Variants in RACK1 observed in about 807,000 individuals in gnomAD.
The protein encoded by RACK1 is small ribosomal subunit protein RACK1.
In RACK1, 3 loss-of-function variants were observed where a neutral mutation model predicts 42.2. The ratio of observed to expected loss-of-function variants is 0.07; its 90% CI spans 0.03 to 0.18. RACK1 has a LOEUF of 0.18. Among genes scored for constraint, RACK1 ranks in the 10% least tolerant of loss-of-function variants. The pLI, the probability that RACK1 is intolerant of heterozygous loss-of-function variation, is 1.00. For synonymous variants in RACK1, 181 were observed against 154.8 expected, an observed-to-expected ratio of 1.17 and a Z score of -1.25; for missense variants, 146 against 403.2, an observed-to-expected ratio of 0.36 and a Z score of 5.46.
chr5:181,237,516 T>C, intron 7 of RACK1, 93 bp downstream of exon 7: 1 of 777,934 alleles, frequency 1.3e-6, no homozygotes. Flanking sequence ...CCAAGGACAC[T>C]GCTCTTGTGT....
In RACK1 at chr5:181,241,516, C is replaced by T. The variant is rs374020184; in HGVS notation, c.405G>A (p.Leu135=). The stretch of plus-strand genomic sequence containing the variant: ...CCTGGACAGTGTATTTGCACACACC[C>T]AGGGTATTCCATAGCTTGATGGTTT... The part of the protein sequence containing the change: ...RDKTIKLWNT[L]GVCKYTVQDE... Residue 135 remains leucine, a synonymous_variant, in exon 3 of 8, where the codon CTG becomes CTA. Coordinates refer to ENST00000512805, the MANE Select transcript of RACK1 (RefSeq NM_006098.5). 6.2e-7 allele frequency: 1 copy of T among 1,613,478 alleles called. No individual in the cohort carries two copies. The highest frequency in any genetic ancestry group is 1.3e-5 in the African/African-American group (1 of 74,672).
chr5:181,243,575 A>C, intron 1 of RACK1, 117 bp downstream of exon 1: 2 of 1,421,218 alleles, frequency 1.4e-6, no homozygotes, highest in South Asian at 2.7e-5. Flanking sequence ...GAAGTCTGTC[A>C]GTCCCCGCCA....
chr5:181,242,077 T>C, intron 2 of RACK1, 97 bp downstream of exon 2: 1 of 1,096,158 alleles, frequency 9.1e-7, no homozygotes, highest in Non-Finnish European at 1.4e-6. Flanking sequence ...AGTTCCCAAA[T>C]GGACTGGATC....
chr5:181,242,583 A>T, intron 1 of RACK1: 1 of 572,020 alleles, frequency 1.7e-6, no homozygotes, highest in Non-Finnish European at 3.3e-6. Context: ...CTTGAGATGG[A>T]GTCTCGCTCT....
chr5:181,241,660 A>T, intron 2 of RACK1, 21 bp from the exon 3 acceptor site: 8 of 1,613,230 alleles, frequency 5.0e-6, no homozygotes, highest in Non-Finnish European at 6.8e-6. Flanking sequence ...GGAGTTTGTC[A>T]TTCTCAGACT....
At chr5:181,238,766 T>C (rs1401740188) in intron 5 of RACK1, 1 of 389,916 alleles carries the variant, frequency 2.6e-6, no homozygotes, top group Non-Finnish European at 4.9e-6. Context: ...GCCACTGCAC[T>C]CCAGCCTTGG....
rs1427888897 is a variant in RACK1 at position 181,241,548 on chromosome 5, G to C, written c.373C>G (p.Arg125Gly). The C allele has an allele frequency of 6.2e-7, 1 of 1,613,578 alleles. No individual in the cohort carries two copies. The highest frequency in any genetic ancestry group is 8.5e-7 in the Non-Finnish European group (1 of 1,179,838). Residue 125 changes from arginine (R) to glycine (G), a missense_variant, in exon 3 of 8, where the codon CGA (arginine) becomes GGA (glycine). Coordinates refer to ENST00000512805, the MANE Select transcript of RACK1 (RefSeq NM_006098.5). ...TTCCATAGCTTGATGGTTTTATCTC[G>C]AGATCCAGAGACAATCTGCCGGTTG... Reference protein sequence around the residue: ...SDNRQIVSGSRDKTIKLWNTL... With the variant: ...SDNRQIVSGSGDKTIKLWNTL...
chr5:181,243,560 G>T, intron 1 of RACK1, 132 bp downstream of exon 1: 1 of 1,406,748 alleles, frequency 7.1e-7, no homozygotes, highest in Non-Finnish European at 9.6e-7. Context: ...TCACAATGGG[G>T]CAGAGAAGTC....
At chr5:181,242,935 T>G (rs1026004293) in intron 1 of RACK1, 1 of 331,344 alleles carries the variant, frequency 3.0e-6, no homozygotes, top group Non-Finnish European at 5.9e-6. Context: ...CAACAGCCAC[T>G]TTGTGTCTTC....
chr5:181,239,679 A>T, intron 3 of RACK1, 97 bp from the exon 4 acceptor site: 1 of 736,984 alleles, frequency 1.4e-6, no homozygotes, highest in Non-Finnish European at 2.3e-6. Flanking sequence ...GGCTGGCAGC[A>T]CCTTTCAAAA....
At position 181,239,050 on chromosome 5, in the gene RACK1, GCCTTGTCC is replaced by G. The variant is rs1561679627; in HGVS notation, c.636+9_636+16del. The G allele has an allele frequency of 6.6e-6, 10 of 1,513,312 alleles. No homozygotes were observed. Among genetic ancestry groups the G allele is most frequent in the African/African-American group, 1.4e-5 (1 of 72,910 alleles). The allele number at this position is 1,513,312 out of a possible 1,614,324, so 93.7% of individuals were successfully genotyped here. A position where few individuals can be genotyped will look rare whatever the true frequency, so the allele number is the denominator to read the frequency against. On this transcript the variant is annotated intron_variant, in intron 5 of 7. Coordinates refer to ENST00000512805, the MANE Select transcript of RACK1 (RefSeq NM_006098.5). The stretch of plus-strand genomic sequence containing the variant: ...CGCTGTCTTCCACTGAGTAGGAGAC[GCCTTGTCC>G]CCAAATACCTTGCCTCCAGAAGCAC...
Position 181,243,876 on chromosome 5 carries a change from T to A in RACK1, c.-76A>T, listed in dbSNP as rs11540176. 245 of 1,488,240 alleles carry A rather than the reference T, an allele frequency of 1.6e-4. 3 individuals carry two copies. The African/African-American group carries it at 2.1e-3, about 13-fold the overall frequency. The allele number at this position is 1,488,240 out of a possible 1,614,324, so 92.2% of individuals were successfully genotyped here. On this transcript the variant is annotated 5_prime_UTR_variant, in exon 1 of 8. Transcript: ENST00000512805. ...GCTTAGAGAAACTAGCACCACAACCTCTCCTGCCGCCGCCTTGCAGTGAAA... is the reference window on the plus strand; with the variant it reads ...GCTTAGAGAAACTAGCACCACAACCACTCCTGCCGCCGCCTTGCAGTGAAA...
rs1059315 is a variant in RACK1, at chr5:181,243,851, G to A, written c.-51C>T. The A allele has an allele frequency of 6.5e-7, 1 of 1,547,184 alleles. No homozygotes were observed. The highest frequency in any genetic ancestry group is 8.7e-7 in the Non-Finnish European group (1 of 1,144,556). ...GCAGCGACGAGGATGGCACTGGATG[G>A]CTTAGAGAAACTAGCACCACAACCT... is the stretch of plus-strand genomic sequence containing the variant. On this transcript the variant is annotated 5_prime_UTR_variant, in exon 1 of 8. Coordinates refer to ENST00000512805, the MANE Select transcript of RACK1 (RefSeq NM_006098.5).
chr5:181,243,205 A>G, intron 1 of RACK1: 2 of 1,179,128 alleles, frequency 1.7e-6, no homozygotes, highest in East Asian at 1.1e-4. Flanking sequence ...AGTCAGGAAC[A>G]CAGGGATAGG....
Position 181,238,087 on chromosome 5 carries a change from A to G in RACK1, c.777+12T>C. The G allele has an allele frequency of 6.2e-7, 1 of 1,614,028 alleles. No individual in the cohort carries two copies. Among genetic ancestry groups the G allele is most frequent in the African/African-American group, 1.3e-5 (1 of 75,020 alleles). ...GCAGCCAGGTACCCAGTCAATTGTA[A>G]CCCACACTCACCCAGATCTTGATGC... On this transcript the variant is annotated intron_variant, in intron 6 of 7. Coordinates refer to ENST00000512805, the MANE Select transcript of RACK1 (RefSeq NM_006098.5).
chr5:181,242,083 G>A (rs1582298704), intron 2 of RACK1, 91 bp downstream of exon 2: 1 of 1,160,068 alleles, frequency 8.6e-7, no homozygotes, highest in Admixed American at 1.8e-5. Context: ...CAAATGGACT[G>A]GATCTCCCCT....
chr5:181,237,123 T>C (rs1759166216), intron 7 of RACK1, 81 bp from the exon 8 acceptor site: 1 of 1,589,916 alleles, frequency 6.3e-7, no homozygotes, highest in Non-Finnish European at 8.6e-7. Flanking sequence ...GTGGCTTTTT[T>C]TGAGATCCGT....
At chr5:181,243,496 C>G (rs1157116347) in intron 1 of RACK1, 196 bp downstream of exon 1, 12 of 1,441,798 alleles carry the variant, frequency 8.3e-6, no homozygotes, top group Admixed American at 2.3e-5. Flanking sequence ...AGGTTCTCAT[C>G]TGCAATGTGG....
At chr5:181,240,521 CATG>C (rs57708958) in intron 3 of RACK1, 1 of 151,240 alleles carries the variant, frequency 6.6e-6, no homozygotes, top group African/African-American at 2.4e-5. Flanking sequence ...ATTAGCTGGG[CATG>C]ATGGCACACG....
Sources: gnomAD v4.1 joint callset for allele counts on GRCh38, gnomAD v4.1.1 for gene constraint, MANE v1.5 for transcripts, NCBI Gene and HGNC (gene_info 2026-07-23, HGNC 2026-07-21) for gene names.